Variants in MARCHF10 observed in about 807,000 individuals in gnomAD.
The protein encoded by MARCHF10 is membrane associated ring-CH-type finger 10.
Under a neutral mutation model 76.2 loss-of-function variants are expected in MARCHF10, and 64 were observed. The ratio of observed to expected loss-of-function variants is 0.84; its 90% CI spans 0.69 to 1.03. The LOEUF is 1.03. Among genes scored for constraint, MARCHF10 ranks in the 50% least tolerant of loss-of-function variants. The pLI, the probability that MARCHF10 is intolerant of heterozygous loss-of-function variation, is 0.00. For synonymous variants in MARCHF10, 340 were observed against 357.5 expected, an observed-to-expected ratio of 0.95 and a Z score of 0.55; for missense variants, 875 against 958.0, an observed-to-expected ratio of 0.91 and a Z score of 1.14.
In MARCHF10 at chr17:62,711,760, C is replaced by T. The variant is rs529342004; in HGVS notation, c.2215-416G>A. On this transcript the variant is annotated intron_variant, in intron 8 of 10. Coordinates refer to ENST00000311269, the MANE Select transcript of MARCHF10 (RefSeq NM_152598.4). The surrounding 1 kb of genome is among the most constrained non-coding windows in gnomAD (Gnocchi z 4.4). ...CAGCTCCAGTACAAGCTGGATGTGT[C>T]GGGTGCTACAACAGAGATGCACCAG... Among the ~76,000 whole-genome samples the T allele has an allele frequency of 6.6e-5, 10 of 152,166 alleles. No homozygotes were observed. The highest frequency in any genetic ancestry group is 1.2e-4 in the Non-Finnish European group (8 of 68,038).
At chr17:62,760,167 CT>C (rs145359450) in intron 3 of MARCHF10, among the ~76,000 whole-genome samples, 161 bp from the exon 4 acceptor site, 4,351 of 152,246 alleles carry the variant, frequency 0.029, 73 homozygotes, top group East Asian at 0.057. Flanking sequence ...TTCAGATGGA[CT>C]GGGCAGAGCA....
At chr17:62,790,722 C>T (rs984286496) in intron 2 of MARCHF10, among the ~76,000 whole-genome samples, 1 of 152,216 alleles carries the variant, frequency 6.6e-6, no homozygotes, top group African/African-American at 2.4e-5. Flanking sequence ...TAGGACTTAC[C>T]AGAATTTCAC....
chr17:62,722,621 T>C, intron 7 of MARCHF10, 24 bp from the exon 8 acceptor site: 2 of 1,588,114 alleles, frequency 1.3e-6, no homozygotes, highest in Middle Eastern at 1.7e-4. Context: ...AAGAATTATA[T>C]GTACATATAA....
intron 2 of MARCHF10, among the ~76,000 whole-genome samples, chr17:62,800,452 G>A (rs114784038): frequency 1.8e-3 from 279 of 152,246 alleles, no homozygotes; most frequent in African/African-American, 6.3e-3. Flanking sequence ...CGATTTTCTC[G>A]TCTTCTTATA....
intron 3 of MARCHF10, among the ~76,000 whole-genome samples, chr17:62,785,669 C>G (rs2092732305): frequency 6.6e-6 from 1 of 152,206 alleles, no homozygotes; most frequent in South Asian, 2.1e-4. Flanking sequence ...AGAACTTAAA[C>G]AAATCTACCA....
intron 2 of MARCHF10, among the ~76,000 whole-genome samples, chr17:62,793,167 C>A (rs1372077869): frequency 6.9e-6 from 1 of 144,990 alleles, no homozygotes; most frequent in Non-Finnish European, 1.5e-5. Context: ...TCACCACCAC[C>A]ACCTCCATCA....
chr17:62,705,814 C>G (rs1300969908), intron 9 of MARCHF10, among the ~76,000 whole-genome samples: 1 of 152,142 alleles, frequency 6.6e-6, no homozygotes. Context: ...TCTCGGGCTT[C>G]TAAATTTGGC....
intron 3 of MARCHF10, 67 bp downstream of exon 3, chr17:62,788,405 TCACACACA>T: frequency 6.6e-7 from 1 of 1,521,850 alleles, no homozygotes; most frequent in Non-Finnish European, 9.0e-7. Flanking sequence ...TTTTCCTACA[TCACACACA>T]CACACACACC....
rs145607589 is a variant in MARCHF10 at position 62,780,746 on chromosome 17, G to C, written c.210+7734C>G. 1.2e-3 allele frequency among the ~76,000 whole-genome samples: 179 copies of C among 152,296 alleles called. 6 individuals are homozygous for C. In the East Asian group the frequency reaches 0.033, roughly 28 times the overall value. On this transcript the variant is annotated intron_variant, in intron 3 of 10. Coordinates refer to ENST00000311269, the MANE Select transcript of MARCHF10 (RefSeq NM_152598.4). ...TGAGAACGTGTTCTCAGTCCTTGAG[G>C]CTTGTGCATTTGGAACGACGTCCTT... is the stretch of plus-strand genomic sequence containing the variant.
At position 62,724,895 on chromosome 17, in the gene MARCHF10, T is replaced by C. The variant is rs749181016; in HGVS notation, c.2104+43A>G. ...CCCACACCGTGGTGCCTCATGTTAA[T>C]TACATGTCGTGGCACGTTCACTGCA... On this transcript the variant is annotated intron_variant, in intron 7 of 10. Coordinates refer to ENST00000311269, the MANE Select transcript of MARCHF10 (RefSeq NM_152598.4). 8 of 1,597,404 alleles carry C rather than the reference T, an allele frequency of 5.0e-6. No individual in the cohort carries two copies. The East Asian group carries it at 1.8e-4, about 36-fold the overall frequency.
chr17:62,752,642 T>C (rs1172004812), intron 4 of MARCHF10, among the ~76,000 whole-genome samples: 2 of 152,054 alleles, frequency 1.3e-5, no homozygotes, highest in African/African-American at 4.8e-5. Context: ...TCTGCTTTTT[T>C]TTTTTTTAAT....
chr17:62,790,395 T>C (rs1335259153), intron 2 of MARCHF10, among the ~76,000 whole-genome samples: 3 of 152,118 alleles, frequency 2.0e-5, no homozygotes, highest in Admixed American at 1.3e-4. Context: ...AGGCTGGTCT[T>C]GAACTCCTGA....
At chr17:62,787,230 T>C (rs1187376658) in intron 3 of MARCHF10, among the ~76,000 whole-genome samples, 1 of 152,190 alleles carries the variant, frequency 6.6e-6, no homozygotes, top group Non-Finnish European at 1.5e-5. Context: ...ATAGAGAGCA[T>C]ATCTCTCTCC....
intron 5 of MARCHF10, among the ~76,000 whole-genome samples, chr17:62,740,049 AGTGTGTGTGTGTGT>A (rs112894135): frequency 6.9e-6 from 1 of 145,432 alleles, no homozygotes; most frequent in Non-Finnish European, 1.5e-5. Flanking sequence ...GCTTCTCTGC[AGTGTGTGTGTGTGT>A]GTGTGTGTGT....
chr17:62,760,026 T>C lies in MARCHF10; in HGVS notation c.211-20A>G, dbSNP rs2092156026. On this transcript the variant is annotated intron_variant, in intron 3 of 10. Transcript: ENST00000311269. The stretch of plus-strand genomic sequence containing the variant: ...AGAACTCTACCAAAAATGAAATACG[T>C]CTGAGTCTCAGTGGCCAAGTAGGTC... 1 of 1,607,908 alleles carries C rather than the reference T, an allele frequency of 6.2e-7. No homozygotes were observed. The highest frequency in any genetic ancestry group is 1.3e-5 in the African/African-American group (1 of 74,702).
chr17:62,713,511 C>A (rs1229657720), intron 8 of MARCHF10, among the ~76,000 whole-genome samples: 2 of 152,188 alleles, frequency 1.3e-5, no homozygotes, highest in Non-Finnish European at 1.5e-5. Context: ...TCAATCTCGC[C>A]GGCTCGGTTC....
Position 62,771,134 on chromosome 17 carries a change from G to A in MARCHF10, c.211-11128C>T, listed in dbSNP as rs116072378. Among the ~76,000 whole-genome samples, 1,008 of 152,210 alleles carry A rather than the reference G, an allele frequency of 6.6e-3. 8 individuals are homozygous for A. The highest frequency in any genetic ancestry group is 0.023 in the African/African-American group (951 of 41,532). ...CCTCCCAATTCCTAGCCACACCTATGTGGCTGTAGATCATGTAATCTAATA... is the reference window on the plus strand; with the variant it reads ...CCTCCCAATTCCTAGCCACACCTATATGGCTGTAGATCATGTAATCTAATA... On this transcript the variant is annotated intron_variant, in intron 3 of 10. Transcript: ENST00000311269.
At position 62,701,673 on chromosome 17, in the gene MARCHF10, C is replaced by A. The variant is rs749602678; in HGVS notation, c.*30G>T. 6.2e-7 allele frequency: 1 copy of A among 1,613,760 alleles called. No homozygotes were observed. Among genetic ancestry groups the A allele is most frequent in the East Asian group, 2.2e-5 (1 of 44,876 alleles). The stretch of plus-strand genomic sequence containing the variant: ...AGAAAGAAGGGCTGGCGGGAGAGGT[C>A]TCCGCCGAGCTCCACAGTTGGCTTC... On this transcript the variant is annotated 3_prime_UTR_variant, in exon 11 of 11. Coordinates refer to ENST00000311269, the MANE Select transcript of MARCHF10 (RefSeq NM_152598.4).
At chr17:62,729,771 G>A (rs1035936800) in intron 6 of MARCHF10, among the ~76,000 whole-genome samples, 4 of 151,970 alleles carry the variant, frequency 2.6e-5, no homozygotes, top group Non-Finnish European at 4.4e-5. Flanking sequence ...ACAGGGTATC[G>A]CCATGTTGTC....
Sources: allele counts gnomAD v4.1 joint callset (sites outside exome capture counted in the v4.1 genomes callset), GRCh38; gene constraint gnomAD v4.1.1; non-coding constraint Gnocchi (gnomAD v3.1); transcripts MANE v1.5; gene names NCBI Gene and HGNC (gene_info 2026-07-23, HGNC 2026-07-21).